KIAA1755: variants seen among roughly 807,000 people sequenced by gnomAD.
KIAA1755 encodes uncharacterized protein KIAA1755.
KIAA1755 carries 68 observed loss-of-function variants against 91.7 expected under a neutral mutation model. The observed-to-expected ratio is 0.74, with a 90% confidence interval of 0.61 to 0.91. The LOEUF is 0.91. KIAA1755 is among the 40% of genes least tolerant of loss of function. The pLI, the probability that KIAA1755 is intolerant of heterozygous loss-of-function variation, is 0.00. For missense variants in KIAA1755, 1,535 were observed against 1,494.4 expected (o/e 1.03, Z -0.45); for synonymous variants, 610 against 604.6 (o/e 1.01, Z -0.13).
intron 4 of KIAA1755, among the ~76,000 whole-genome samples, chr20:38,232,695 G>C (rs1159442269): frequency 6.6e-6 from 1 of 151,656 alleles, no homozygotes; most frequent in Non-Finnish European, 1.5e-5. Flanking sequence ...TTATCCTCTT[G>C]ATATTATGGA....
chr20:38,239,858 C>T (rs569291255), intron 3 of KIAA1755, 133 bp from the exon 4 acceptor site: 45 of 837,472 alleles, frequency 5.4e-5, no homozygotes, highest in African/African-American at 4.4e-4. Flanking sequence ...CCAGGCATTG[C>T]GCTAAGCCCC....
At chr20:38,223,515 C>T (rs1172553063) in intron 9 of KIAA1755, 23 bp downstream of exon 9, 3 of 1,541,720 alleles carry the variant, frequency 1.9e-6, no homozygotes, top group Admixed American at 2.1e-5. Flanking sequence ...GTAGCTTCCC[C>T]AGTCACCATG....
At position 38,231,218 on chromosome 20, in the gene KIAA1755, GGT is replaced by G. The variant is rs1228998502; in HGVS notation, c.1853_1854del (p.Tyr618SerfsTer8). On this transcript the variant is annotated frameshift_variant, in exon 5 of 14. Transcript: ENST00000279024. LOFTEE classifies it high-confidence loss of function. ...GATCCTTACCTGGGGATGGTACACA[GGT>G]AGGACAGTAGCTTGGTGACCTCTGA... ...TVSEVTKLLSYLCTIPRPEDK... is the reference protein window; with the variant it reads ...TVSEVTKLLSXLCTIPRPEDK... 6.2e-7 allele frequency: 1 copy of G among 1,613,720 alleles called. No homozygotes were observed. The highest frequency in any genetic ancestry group is 1.3e-5 in the African/African-American group (1 of 75,052).
At chr20:38,225,630 G>T in intron 8 of KIAA1755, 35 bp downstream of exon 8, 1 of 1,254,634 alleles carries the variant, frequency 8.0e-7, no homozygotes, top group African/African-American at 1.5e-5. Context: ...GAGAAGGAGT[G>T]GGGGTCAGGG....
At chr20:38,243,725 C>T (rs1053635420) in intron 2 of KIAA1755, among the ~76,000 whole-genome samples, 3 of 152,196 alleles carry the variant, frequency 2.0e-5, no homozygotes, top group Admixed American at 6.5e-5. Flanking sequence ...GTGAAGGTGG[C>T]TGCTTCTGGG....
At position 38,245,256 on chromosome 20, in the gene KIAA1755, C is replaced by T. The variant is rs538376138; in HGVS notation, c.201+673G>A. Among the ~76,000 whole-genome samples the T allele has an allele frequency of 5.3e-5, 8 of 152,156 alleles. No homozygotes were observed. In the East Asian group the frequency reaches 1.4e-3, roughly 26 times the overall value. On this transcript the variant is annotated intron_variant, in intron 2 of 13. Transcript: ENST00000279024. ...GATAGAATATAAATCCTTGAGCTTC[C>T]CTGGGTTCCAGCCTTGTGGGAACAC...
intron 1 of KIAA1755, among the ~76,000 whole-genome samples, chr20:38,247,291 C>T (rs764262121): frequency 7.9e-5 from 12 of 152,096 alleles, no homozygotes; most frequent in Non-Finnish European, 1.5e-4. Context: ...AGCTGCCCTC[C>T]GCCCCCGCCT....
At chr20:38,259,337 T>G (rs1463710013) in intron 1 of KIAA1755, among the ~76,000 whole-genome samples, 1 of 152,042 alleles carries the variant, frequency 6.6e-6, no homozygotes, top group Non-Finnish European at 1.5e-5. Flanking sequence ...TGTATGCCCA[T>G]AGTTTAGCAG....
At chr20:38,218,411 A>G (rs1325394568) in intron 11 of KIAA1755, 45 bp from the exon 12 acceptor site, 2 of 1,608,456 alleles carry the variant, frequency 1.2e-6, no homozygotes, top group African/African-American at 1.3e-5. Context: ...CTGCTAGGAG[A>G]CCTCCCTTGT....
At chr20:38,230,654 C>T (rs914079923) in intron 5 of KIAA1755, among the ~76,000 whole-genome samples, 3 of 152,134 alleles carry the variant, frequency 2.0e-5, no homozygotes, top group Non-Finnish European at 4.4e-5. Flanking sequence ...TTTGGGAGGC[C>T]GAGGTGGGTG....
intron 1 of KIAA1755, among the ~76,000 whole-genome samples, chr20:38,252,080 A>G (rs1243835534): frequency 1.3e-5 from 2 of 152,052 alleles, no homozygotes; most frequent in African/African-American, 2.4e-5. Flanking sequence ...GAGTTAAACT[A>G]TCTTTCCCTG....
chr20:38,259,905 T>C (rs79564235), intron 1 of KIAA1755, among the ~76,000 whole-genome samples: 12,565 of 151,394 alleles, frequency 0.083, 1,145 homozygotes, highest in African/African-American at 0.23. Flanking sequence ...CAAAAGTCCC[T>C]TCCTCTTCCC....
At chr20:38,240,542 C>A (rs775862880) in intron 3 of KIAA1755, 40 bp downstream of exon 3, 18 of 1,448,488 alleles carry the variant, frequency 1.2e-5, no homozygotes, top group Non-Finnish European at 1.5e-5. Context: ...CTCAACCAGA[C>A]AATAACCTCC....
chr20:38,251,417 C>T (rs778566078), intron 1 of KIAA1755, among the ~76,000 whole-genome samples: 1 of 152,050 alleles, frequency 6.6e-6, no homozygotes, highest in Non-Finnish European at 1.5e-5. Flanking sequence ...ATGCTCATGA[C>T]CTTCTGGACT....
chr20:38,244,935 C>T (rs1197507341), intron 2 of KIAA1755, among the ~76,000 whole-genome samples: 1 of 152,130 alleles, frequency 6.6e-6, no homozygotes, highest in Non-Finnish European at 1.5e-5. Context: ...ACCATGTTGG[C>T]CAGGCTGGTC....
Position 38,229,036 on chromosome 20 carries a change from G to C in KIAA1755, c.1872-796C>G, listed in dbSNP as rs544043890. Reference sequence around the variant, plus strand: ...CCCCACCCCTCTAGCCATCTGGCCAGTGGGTACAGGGTGGCCAGGGAATCT... The same window carrying C: ...CCCCACCCCTCTAGCCATCTGGCCACTGGGTACAGGGTGGCCAGGGAATCT... On this transcript the variant is annotated intron_variant, in intron 5 of 13. Coordinates refer to ENST00000279024, the MANE Select transcript of KIAA1755 (RefSeq NM_001029864.2). Among the ~76,000 whole-genome samples the C allele has an allele frequency of 9.2e-5, 14 of 152,312 alleles. No homozygotes were observed. In the East Asian group the frequency reaches 9.6e-4, roughly 10 times the overall value.
At chr20:38,226,248 G>C (rs1485817559) in intron 7 of KIAA1755, among the ~76,000 whole-genome samples, 1 of 152,192 alleles carries the variant, frequency 6.6e-6, no homozygotes, top group Non-Finnish European at 1.5e-5. Context: ...CTAAGACATG[G>C]AAGAACTAGG....
In KIAA1755 at chr20:38,245,653, G is replaced by T. The variant is rs183882599; in HGVS notation, c.201+276C>A. Among the ~76,000 whole-genome samples the T allele has an allele frequency of 5.9e-5, 9 of 152,304 alleles. No individual in the cohort carries two copies. The East Asian group carries it at 1.7e-3, about 29-fold the overall frequency. On this transcript the variant is annotated intron_variant, in intron 2 of 13. Coordinates refer to ENST00000279024, the MANE Select transcript of KIAA1755 (RefSeq NM_001029864.2). ...GTCAGGCGCAGGGCAGGCTCCCCAA[G>T]ACCAGGGAGCCCCCAAGGATGCCTT...
rs1249399148 is a variant in KIAA1755, at chr20:38,241,256, C to T, written c.875G>A (p.Arg292Lys). 3 of 1,614,160 alleles carry T rather than the reference C, an allele frequency of 1.9e-6. No individual in the cohort carries two copies. In the South Asian group the frequency reaches 3.3e-5, roughly 18 times the overall value. ...ACACCCACTGGATGTGCCTGCCTCC[C>T]TACTGGGAGACTCTCCTCTGCTCTC... Reference protein sequence around the residue: ...SQESRGESPSREAGTSSGCTS... With the variant: ...SQESRGESPSKEAGTSSGCTS... Residue 292 changes from arginine to lysine, a missense_variant, in exon 3 of 14, where the codon AGG becomes AAG. Physicochemically the swap from Arg to Lys is conservative, Grantham distance 26 (BLOSUM62 2). Transcript: ENST00000279024.
Sources: allele counts gnomAD v4.1 joint callset (sites outside exome capture counted in the v4.1 genomes callset), GRCh38; gene constraint gnomAD v4.1.1; transcripts MANE v1.5; gene names NCBI Gene and HGNC (gene_info 2026-07-23, HGNC 2026-07-21).